PPP2R5D: variants seen among roughly 807,000 people sequenced by gnomAD.
The protein encoded by PPP2R5D is serine/threonine-protein phosphatase 2A 56 kDa regulatory subunit delta isoform.
A neutral mutation model predicts 79.1 loss-of-function variants in PPP2R5D; 12 were observed. The observed-to-expected ratio is 0.15, with a 90% CI of 0.10 to 0.25. The LOEUF (loss-of-function observed/expected upper bound fraction) is 0.25, where lower values mean the gene tolerates loss of function less well. Among genes scored for constraint, PPP2R5D ranks in the 10% least tolerant of loss-of-function variants. The pLI, the probability that PPP2R5D is intolerant of heterozygous loss-of-function variation, is 1.00. For synonymous variants in PPP2R5D, 277 were observed against 286.6 expected, an observed-to-expected ratio of 0.97 and a Z score of 0.34; for missense variants, 419 against 760.2, an observed-to-expected ratio of 0.55 and a Z score of 5.28.
At chr6:43,003,680 C>T (rs1027150190) in intron 2 of PPP2R5D, among the ~76,000 whole-genome samples, 12 of 151,914 alleles carry the variant, frequency 7.9e-5, no homozygotes, top group Admixed American at 7.2e-4. Flanking sequence ...TTAATGTGAG[C>T]GAGCTCATTT....
At chr6:42,997,136 C>T (rs1479133565) in intron 2 of PPP2R5D, among the ~76,000 whole-genome samples, 6 of 152,006 alleles carry the variant, frequency 3.9e-5, no homozygotes, top group Non-Finnish European at 7.4e-5. Context: ...GCTGGGATTA[C>T]AGGCGCCCGC....
Position 43,011,619 on chromosome 6 carries a change from C to T in PPP2R5D, c.*333C>T, listed in dbSNP as rs745789429. On this transcript the variant is annotated 3_prime_UTR_variant, in exon 16 of 16. Coordinates refer to ENST00000485511, the MANE Select transcript of PPP2R5D (RefSeq NM_006245.4). ...TACACACAGGAATACATACGCTCCT[C>T]TATTCTTCCCTTCATCCTCATTTGA... is the stretch of plus-strand genomic sequence containing the variant. 2 of 328,408 alleles carry T rather than the reference C, an allele frequency of 6.1e-6. No individual in the cohort carries two copies. Among genetic ancestry groups the T allele is most frequent in the Non-Finnish European group, 1.1e-5 (2 of 175,568 alleles). 20.3% of individuals were successfully genotyped at this position (328,408 alleles called of 1,614,324 possible).
chr6:42,988,418 T>C (rs1451743965), intron 1 of PPP2R5D, among the ~76,000 whole-genome samples: 5 of 152,218 alleles, frequency 3.3e-5, no homozygotes, highest in Non-Finnish European at 7.4e-5. Flanking sequence ...TGCTCCATGA[T>C]AAAATTCTTC....
rs1197390027 is a variant in PPP2R5D, at chr6:43,008,912, CAG to C, written c.1081-143_1081-142del. On this transcript the variant is annotated intron_variant, in intron 10 of 15. Coordinates refer to ENST00000485511, the MANE Select transcript of PPP2R5D (RefSeq NM_006245.4). The surrounding 1 kb of genome is among the most constrained non-coding windows in gnomAD (Gnocchi z 4.2). ...GCAAAACCTATATACACCTAGGAAA[CAG>C]ATCCAAGGCAAAGAAACGGGTAGCT... 1.6e-6 allele frequency: 2 copies of C among 1,244,206 alleles called. No homozygotes were observed. Among genetic ancestry groups the C allele is most frequent in the African/African-American group, 3.0e-5 (2 of 66,316 alleles). 77.1% of individuals were successfully genotyped at this position (1,244,206 alleles called of 1,614,324 possible).
rs1277483823 is a variant in PPP2R5D at position 43,007,982 on chromosome 6, C to T, written c.774C>T (p.Leu258=). Residue 258 remains leucine, a synonymous_variant, in exon 7 of 16, where the codon CTC becomes CTT. Transcript: ENST00000485511. The surrounding 1 kb of genome is among the most constrained non-coding windows in gnomAD (Gnocchi z 4.5). ...DSEDPRERDF[L]KTILHRIYGK... is the part of the protein sequence containing the mutation. Reference sequence around the variant, plus strand: ...AGGATCCTCGAGAGCGGGACTTCCTCAAGACCATTTTGCATCGCATCTATG... The same window carrying T: ...AGGATCCTCGAGAGCGGGACTTCCTTAAGACCATTTTGCATCGCATCTATG... 2.5e-6 allele frequency: 4 copies of T among 1,614,180 alleles called. No homozygotes were observed. The highest frequency in any genetic ancestry group is 3.4e-6 in the Non-Finnish European group (4 of 1,180,042).
At chr6:43,002,302 T>C (rs536570510) in intron 2 of PPP2R5D, among the ~76,000 whole-genome samples, 184 of 152,218 alleles carry the variant, frequency 1.2e-3, no homozygotes, top group African/African-American at 4.2e-3. Context: ...TAGCTGAGAT[T>C]ACAGGCACGT....
chr6:43,002,703 A>G (rs1199291297), intron 2 of PPP2R5D, among the ~76,000 whole-genome samples: 2 of 152,208 alleles, frequency 1.3e-5, no homozygotes, highest in East Asian at 1.9e-4. Flanking sequence ...TAGATAGGTG[A>G]CAAGTCCACA....
chr6:43,006,670 G>A lies in PPP2R5D; in HGVS notation c.313G>A (p.Ala105Thr), dbSNP rs1277257630. Reference sequence around the variant, plus strand: ...GAATCGGGAGCTGCAGAAGCTTCCTGCCCTGAAAGGTACTTGGCAATTGGT... The same window carrying A: ...GAATCGGGAGCTGCAGAAGCTTCCTACCCTGAAAGGTACTTGGCAATTGGT... ...SKNRELQKLP[A>T]LKDSPTQERE... The change falls in exon 3 of 16, where the codon GCC becomes ACC. Residue 105 changes from alanine (A) to threonine (T), a missense_variant. Transcript: ENST00000485511. The surrounding 1 kb of genome is among the most constrained non-coding windows in gnomAD (Gnocchi z 4.7). 1.2e-6 allele frequency: 2 copies of A among 1,613,836 alleles called. No individual in the cohort carries two copies. The highest frequency in any genetic ancestry group is 2.2e-5 in the East Asian group (1 of 44,894).
At position 42,984,572 on chromosome 6, in the gene PPP2R5D, A is replaced by C; in HGVS notation, c.-106A>C. ...CGCAGGCACCGCTCGACCCGGGCGCAGCGCGCAGGCGGTGGCGAAGAGACG... is the reference window on the plus strand; with the variant it reads ...CGCAGGCACCGCTCGACCCGGGCGCCGCGCGCAGGCGGTGGCGAAGAGACG... On this transcript the variant is annotated 5_prime_UTR_variant, in exon 1 of 16. Coordinates refer to ENST00000485511, the MANE Select transcript of PPP2R5D (RefSeq NM_006245.4). 3 of 1,451,796 alleles carry C rather than the reference A, an allele frequency of 2.1e-6. No individual in the cohort carries two copies. Among genetic ancestry groups the C allele is most frequent in the Non-Finnish European group, 2.7e-6 (3 of 1,105,384 alleles). The allele number at this position is 1,451,796 out of a possible 1,614,324, so 89.9% of individuals were successfully genotyped here.
At chr6:42,990,309 A>G (rs1771169511) in intron 2 of PPP2R5D, among the ~76,000 whole-genome samples, 1 of 152,202 alleles carries the variant, frequency 6.6e-6, no homozygotes, top group Non-Finnish European at 1.5e-5. Flanking sequence ...CTGGATGGTG[A>G]AAGATCCTGT....
At chr6:43,003,940 G>C (rs1284628215) in intron 2 of PPP2R5D, among the ~76,000 whole-genome samples, 7 of 151,322 alleles carry the variant, frequency 4.6e-5, no homozygotes, top group African/African-American at 1.5e-4. Flanking sequence ...GGATGGTCTC[G>C]ATCTCCTGAC....
chr6:43,012,017 G>A lies in PPP2R5D; in HGVS notation c.*731G>A, dbSNP rs1762374838. The stretch of plus-strand genomic sequence containing the variant: ...TCACAGACATGGAAGGGACCACCCT[G>A]GGGCTGACTGCTTTTCTGTGCTGTT... On this transcript the variant is annotated 3_prime_UTR_variant, in exon 16 of 16. Transcript: ENST00000485511. 2 of 194,516 alleles carry A rather than the reference G, an allele frequency of 1.0e-5. No homozygotes were observed. The highest frequency in any genetic ancestry group is 3.5e-4 in the South Asian group (2 of 5,676). The allele number at this position is 194,516 out of a possible 1,614,324, so 12.0% of individuals were successfully genotyped here.
At chr6:42,986,041 T>C (rs1016368262) in intron 1 of PPP2R5D, among the ~76,000 whole-genome samples, 1 of 152,136 alleles carries the variant, frequency 6.6e-6, no homozygotes, top group African/African-American at 2.4e-5. Flanking sequence ...CCTCCCAAAG[T>C]GCTGGGATTA....
intron 1 of PPP2R5D, among the ~76,000 whole-genome samples, chr6:42,986,833 C>T (rs1323105316): frequency 1.3e-5 from 2 of 151,114 alleles, no homozygotes; most frequent in Admixed American, 1.3e-4. Flanking sequence ...TGGGTGTAAA[C>T]GTTTGGTTGG....
At chr6:42,990,530 A>C (rs377374659) in intron 2 of PPP2R5D, among the ~76,000 whole-genome samples, 63 of 152,142 alleles carry the variant, frequency 4.1e-4, no homozygotes, top group African/African-American at 1.5e-3. Flanking sequence ...GTTTCTCAGT[A>C]CTTCTGGTGA....
chr6:42,994,266 G>T (rs1486602435), intron 2 of PPP2R5D, among the ~76,000 whole-genome samples: 1 of 152,178 alleles, frequency 6.6e-6, no homozygotes, highest in African/African-American at 2.4e-5. Context: ...CTCCAGCTTG[G>T]GGGAGAGAGC....
Position 42,984,668 on chromosome 6 carries a change from A to C in PPP2R5D, c.-10A>C. On this transcript the variant is annotated 5_prime_UTR_variant, in exon 1 of 16. Coordinates refer to ENST00000485511, the MANE Select transcript of PPP2R5D (RefSeq NM_006245.4). ...GCCGCAGGAGACGGGCCGGGTCCGG[A>C]CGGGCCGAGATGCCCTATAAACTGA... 6.2e-7 allele frequency: 1 copy of C among 1,604,544 alleles called. No individual in the cohort carries two copies. Among genetic ancestry groups the C allele is most frequent in the Non-Finnish European group, 8.5e-7 (1 of 1,176,348 alleles).
In PPP2R5D at chr6:43,004,812, A is replaced by G. The variant is rs1374458391; in HGVS notation, c.106-1651A>G. On this transcript the variant is annotated intron_variant, in intron 2 of 15. Transcript: ENST00000485511. ...ACTCTGTCATCCAGGCTGGAGTGCA[A>G]TGGCGCAATCTTGGCTCACTGCAAC... is the stretch of plus-strand genomic sequence containing the variant. Among the ~76,000 whole-genome samples the G allele has an allele frequency of 1.4e-3, 217 of 150,432 alleles. 6 individuals carry two copies. The highest frequency in any genetic ancestry group is 2.1e-4 in the Non-Finnish European group (14 of 67,608).
At chr6:42,998,044 T>TATACAC (rs1771884638) in intron 2 of PPP2R5D, among the ~76,000 whole-genome samples, 2 of 29,262 alleles carry the variant, frequency 6.8e-5, no homozygotes, top group African/African-American at 9.4e-5. Context: ...TATATATATA[T>TATACAC]ATATATATAT....
Sources: gnomAD v4.1 joint callset for allele counts (sites outside exome capture counted in the v4.1 genomes callset) on GRCh38, gnomAD v4.1.1 for gene constraint, Gnocchi (gnomAD v3.1) non-coding constraint, MANE v1.5 for transcripts, NCBI Gene and HGNC (gene_info 2026-07-23, HGNC 2026-07-21) for gene names.